The following MATN2 variants were observed in gnomAD, a reference collection of about 807,000 sequenced individuals.
MATN2 encodes the protein matrilin-2.
Under a neutral mutation model 103.2 loss-of-function variants are expected in MATN2, and 69 were observed. The ratio of observed to expected loss-of-function variants is 0.67; its 90% CI spans 0.55 to 0.82. The LOEUF (loss-of-function observed/expected upper bound fraction) is 0.82, where lower values mean the gene tolerates loss of function less well. Among genes scored for constraint, MATN2 ranks in the 40% least tolerant of loss-of-function variants. The probability of loss-of-function intolerance (pLI) is 0.00; values close to 1 mark genes in which losing one functional copy is unlikely to be tolerated. For missense variants in MATN2, 1,023 were observed against 1,211.5 expected (o/e 0.84, Z 2.31); for synonymous variants, 429 against 450.2 (o/e 0.95, Z 0.60).
chr8:97,902,989 G>A (rs1819040922), intron 2 of MATN2, among the ~76,000 whole-genome samples: 2 of 152,146 alleles, frequency 1.3e-5, no homozygotes, highest in Non-Finnish European at 2.9e-5. Context: ...TCAGTACCCA[G>A]GGACTGTGAG....
rs774882403 is a variant in MATN2, at chr8:98,027,550, C to G, written c.2077C>G (p.Arg693Gly). ...DSLTISPKAA[R>G]VGLLQYSTQV... ...CTTGACAATTTCCCCCAAAGCCGCT[C>G]GAGTGGGGCTGCTCCAGTATTCCAC... is the stretch of plus-strand genomic sequence containing the variant. Residue 693 changes from arginine to glycine, a missense_variant, in exon 14 of 19, where the codon CGA becomes GGA. Coordinates refer to ENST00000254898, the MANE Select transcript of MATN2 (RefSeq NM_002380.5). 1.9e-6 allele frequency: 3 copies of G among 1,613,892 alleles called. No homozygotes were observed. The highest frequency in any genetic ancestry group is 2.5e-6 in the Non-Finnish European group (3 of 1,179,886).
At chr8:97,895,107 A>T (rs1818766661) in intron 2 of MATN2, among the ~76,000 whole-genome samples, 1 of 152,174 alleles carries the variant, frequency 6.6e-6, no homozygotes, top group African/African-American at 2.4e-5. Flanking sequence ...TCCTGACCTC[A>T]TGTGATCTGC....
At chr8:98,012,428 A>G (rs560817519) in intron 10 of MATN2, among the ~76,000 whole-genome samples, 2 of 152,086 alleles carry the variant, frequency 1.3e-5, no homozygotes, top group Non-Finnish European at 2.9e-5. Flanking sequence ...AGCCTCCCCT[A>G]GTCTAGAGAA....
At chr8:97,900,467 G>A (rs1002128852) in intron 2 of MATN2, among the ~76,000 whole-genome samples, 1 of 152,210 alleles carries the variant, frequency 6.6e-6, no homozygotes, top group African/African-American at 2.4e-5. Flanking sequence ...GAGCCCCAGA[G>A]GCCCTTAAAG....
intron 2 of MATN2, among the ~76,000 whole-genome samples, chr8:97,919,624 A>G (rs1364825169): frequency 6.6e-6 from 1 of 152,102 alleles, no homozygotes; most frequent in Non-Finnish European, 1.5e-5. Context: ...TTCCCAGCCC[A>G]TTCCAGCTCA....
rs58985201 is a variant in MATN2, at chr8:97,992,745, C to CAAA, written c.1082-1712_1082-1710dup. 7.5e-3 allele frequency among the ~76,000 whole-genome samples: 370 copies of CAAA among 49,444 alleles called. 12 individuals are homozygous for CAAA. Among genetic ancestry groups the CAAA allele is most frequent in the Non-Finnish European group, 0.011 (298 of 27,386 alleles). 32.4% of individuals were successfully genotyped at this position (49,444 alleles called of 152,430 possible). ...TGGGTGTTAGAGTGAGACTCCATCTCAAAAAAAAAAAAAAAAAAAAAAAAA... is the reference window on the plus strand; with the variant it reads ...TGGGTGTTAGAGTGAGACTCCATCTCAAAAAAAAAAAAAAAAAAAAAAAAAAAA... On this transcript the variant is annotated intron_variant, in intron 6 of 18. Transcript: ENST00000254898.
intron 3 of MATN2, among the ~76,000 whole-genome samples, chr8:97,938,265 A>C (rs1018435205): frequency 6.6e-6 from 1 of 152,222 alleles, no homozygotes; most frequent in African/African-American, 2.4e-5. Context: ...CAGGAAAAGA[A>C]GAGAGTCTTT....
rs113633045 is a variant in MATN2, at chr8:98,027,310, G to A, written c.1943-106G>A. 3 of 940,324 alleles carry A rather than the reference G, an allele frequency of 3.2e-6. No homozygotes were observed. The African/African-American group carries it at 4.9e-5, about 15-fold the overall frequency. 58.2% of individuals were successfully genotyped at this position (940,324 alleles called of 1,614,324 possible). On this transcript the variant is annotated intron_variant, in intron 13 of 18. Coordinates refer to ENST00000254898, the MANE Select transcript of MATN2 (RefSeq NM_002380.5). ...TGTGTATTATCTAAAGAACAAAACT[G>A]GTTCCCCAAAGTGGTTATGCCTCCA...
In MATN2 at chr8:97,931,647, C is replaced by A; in HGVS notation, c.712+125C>A. ...CTGGCAATAGGTTTTCAACAAAGGC[C>A]AAGATAAACACAACGTGCTCCAGGG... On this transcript the variant is annotated intron_variant, in intron 3 of 18. Coordinates refer to ENST00000254898, the MANE Select transcript of MATN2 (RefSeq NM_002380.5). The surrounding 1 kb of genome is among the most constrained non-coding windows in gnomAD (Gnocchi z 4.1). 1 of 868,268 alleles carries A rather than the reference C, an allele frequency of 1.2e-6. No individual in the cohort carries two copies. The highest frequency in any genetic ancestry group is 1.7e-6 in the Non-Finnish European group (1 of 580,576). The allele number at this position is 868,268 out of a possible 1,614,324, so 53.8% of individuals were successfully genotyped here. A position where few individuals can be genotyped will look rare whatever the true frequency, so the allele number is the denominator to read the frequency against.
At chr8:97,936,548 A>G (rs1042246116) in intron 3 of MATN2, among the ~76,000 whole-genome samples, 1 of 152,150 alleles carries the variant, frequency 6.6e-6, no homozygotes, top group Non-Finnish European at 1.5e-5. Context: ...CCACCTCCCT[A>G]CACTGACCAC....
Position 98,004,120 on chromosome 8 carries a change from C to G in MATN2, c.1327+337C>G, listed in dbSNP as rs535671329. The G allele has an allele frequency of 1.1e-3, 264 of 247,692 alleles. 3 individuals carry two copies. The highest frequency in any genetic ancestry group is 5.3e-3 in the African/African-American group (243 of 45,684). 15.3% of individuals were successfully genotyped at this position (247,692 alleles called of 1,614,324 possible). A position where few individuals can be genotyped will look rare whatever the true frequency, so the allele number is the denominator to read the frequency against. ...TGGCCAACATGGTGAAACCCTATCT[C>G]TACTAAAAATACAAAAAATTAGCTG... is the stretch of plus-strand genomic sequence containing the variant. On this transcript the variant is annotated intron_variant, in intron 8 of 18. Transcript: ENST00000254898.
At chr8:97,941,241 A>G (rs1810555534) in intron 3 of MATN2, among the ~76,000 whole-genome samples, 1 of 151,982 alleles carries the variant, frequency 6.6e-6, no homozygotes, top group Admixed American at 6.6e-5. Context: ...CATAAAGATT[A>G]CAGAAACATG....
intron 10 of MATN2, 27 bp from the exon 11 acceptor site, chr8:98,016,513 T>C (rs761234002): frequency 3.8e-6 from 6 of 1,590,280 alleles, no homozygotes; most frequent in Non-Finnish European, 4.3e-6. Flanking sequence ...TCTTCTTCTG[T>C]TTCTCTAATT....
At chr8:97,969,430 CA>C (rs1811586515) in intron 5 of MATN2, among the ~76,000 whole-genome samples, 1 of 152,200 alleles carries the variant, frequency 6.6e-6, no homozygotes, top group African/African-American at 2.4e-5. Flanking sequence ...TAGTGAGTGA[CA>C]TTCCCAATAT....
chr8:97,901,254 T>A (rs192536036), intron 2 of MATN2, among the ~76,000 whole-genome samples: 25 of 148,144 alleles, frequency 1.7e-4, no homozygotes, highest in African/African-American at 2.2e-4. Context: ...TCTGATACAC[T>A]TTTTTTTTTT....
intron 2 of MATN2, among the ~76,000 whole-genome samples, chr8:97,926,244 G>A (rs1390610911): frequency 6.6e-6 from 1 of 152,096 alleles, no homozygotes; most frequent in Non-Finnish European, 1.5e-5. Flanking sequence ...TGTCATGAGA[G>A]GCCAGAAGGA....
intron 8 of MATN2, among the ~76,000 whole-genome samples, chr8:98,006,693 T>A (rs948985491): frequency 2.6e-5 from 4 of 152,186 alleles, no homozygotes; most frequent in African/African-American, 9.7e-5. Flanking sequence ...GTGGATTCTG[T>A]GCGCCATGGC....
chr8:97,932,035 C>G (rs1441512044), intron 3 of MATN2, among the ~76,000 whole-genome samples: 1 of 152,114 alleles, frequency 6.6e-6, no homozygotes, highest in African/African-American at 2.4e-5. Flanking sequence ...AAATAAGTAA[C>G]TATAGTTGTC....
chr8:97,916,285 G>T (rs1219042226), intron 2 of MATN2, among the ~76,000 whole-genome samples: 2 of 152,092 alleles, frequency 1.3e-5, no homozygotes, highest in Non-Finnish European at 1.5e-5. Flanking sequence ...GGCCAGGCTG[G>T]TCTCGAACTC....
Sources: gnomAD v4.1 joint callset for allele counts (sites outside exome capture counted in the v4.1 genomes callset) on GRCh38, gnomAD v4.1.1 for gene constraint, Gnocchi (gnomAD v3.1) non-coding constraint, MANE v1.5 for transcripts, NCBI Gene and HGNC (gene_info 2026-07-23, HGNC 2026-07-21) for gene names.